PCDHGA1: variants seen among roughly 807,000 people sequenced by gnomAD.
The protein encoded by PCDHGA1 is protocadherin gamma-A1.
In PCDHGA1, 32 loss-of-function variants were observed where a neutral mutation model predicts 58.0. The ratio of observed to expected loss-of-function variants is 0.55; its 90% CI spans 0.42 to 0.74. PCDHGA1 has a LOEUF of 0.74. Among genes scored for constraint, PCDHGA1 ranks in the 30% least tolerant of loss-of-function variants. PCDHGA1 has a pLI of 0.00. For synonymous variants in PCDHGA1, 498 were observed against 501.1 expected (o/e 0.99, Z 0.08); for missense variants, 1,205 against 1,182.3 (o/e 1.02, Z -0.28).
chr5:141,408,694 A>T (rs2095152952), intron 1 of PCDHGA1: 1 of 1,613,772 alleles, frequency 6.2e-7, no homozygotes, highest in African/African-American at 1.3e-5. Flanking sequence ...ATATAAACAT[A>T]AACTCAATTA....
At chr5:141,342,038 C>T (rs1489666499) in intron 1 of PCDHGA1, 2 of 152,738 alleles carry the variant, frequency 1.3e-5, no homozygotes, top group African/African-American at 2.4e-5. Context: ...AAGCTATATG[C>T]TTCTTGAAGA....
intron 1 of PCDHGA1, among the ~76,000 whole-genome samples, chr5:141,473,916 A>T (rs1014065718): frequency 2.6e-5 from 4 of 152,162 alleles, no homozygotes; most frequent in Non-Finnish European, 4.4e-5. Flanking sequence ...TCTTAAGAAA[A>T]CTATGAGCTG....
intron 2 of PCDHGA1, among the ~76,000 whole-genome samples, chr5:141,503,432 TA>T (rs1423418926): frequency 6.6e-6 from 1 of 151,668 alleles, no homozygotes; most frequent in African/African-American, 2.4e-5. Flanking sequence ...CCATCTCTAC[TA>T]AAAATACAAA....
rs532517723 is a variant in PCDHGA1, at chr5:141,486,244, A to G, written c.2422-8563A>G. The G allele has an allele frequency of 1.2e-5, 19 of 1,614,068 alleles. No homozygotes were observed. The Admixed American group carries it at 2.3e-4, about 20-fold the overall frequency. On this transcript the variant is annotated intron_variant, in intron 1 of 3. Coordinates refer to ENST00000517417, the MANE Select transcript of PCDHGA1 (RefSeq NM_018912.3). This position sits in a 1 kb window ranked among gnomAD's most constrained non-coding sequence, Gnocchi z 5.0. ...ACATCACAGTGACCTCAGAGCTTGGAACCCTCCCCGAGAGTGCAGAACCTG... is the reference window on the plus strand; with the variant it reads ...ACATCACAGTGACCTCAGAGCTTGGGACCCTCCCCGAGAGTGCAGAACCTG...
intron 1 of PCDHGA1, chr5:141,385,340 C>A: frequency 6.4e-7 from 1 of 1,570,860 alleles, no homozygotes; most frequent in Non-Finnish European, 8.6e-7. Flanking sequence ...CCAGCCCTTC[C>A]TTTATTTCCA....
At position 141,431,776 on chromosome 5, in the gene PCDHGA1, C is replaced by A; in HGVS notation, c.2422-63031C>A. Reference sequence around the variant, plus strand: ...CCAAAGTCCTGATCACTGTTCTGGACGTGAACGACAATGCCCCAGAAGTGG... The same window carrying A: ...CCAAAGTCCTGATCACTGTTCTGGAAGTGAACGACAATGCCCCAGAAGTGG... On this transcript the variant is annotated intron_variant, in intron 1 of 3. Coordinates refer to ENST00000517417, the MANE Select transcript of PCDHGA1 (RefSeq NM_018912.3). The surrounding 1 kb of genome is among the most constrained non-coding windows in gnomAD (Gnocchi z 4.8). The A allele has an allele frequency of 6.2e-7, 1 of 1,614,228 alleles. No homozygotes were observed. The highest frequency in any genetic ancestry group is 8.5e-7 in the Non-Finnish European group (1 of 1,180,044).
rs146235929 is a variant in PCDHGA1 at position 141,511,610 on chromosome 5, C to A, written c.*437C>A. On this transcript the variant is annotated 3_prime_UTR_variant, in exon 4 of 4. Transcript: ENST00000517417. ...GAAGTACCAAGTAACCTACAAGCCT[C>A]CTAGTTCTGAAAAGTTGGAAGGGCA... 1.0e-3 allele frequency: 247 copies of A among 237,682 alleles called. 1 individual carries two copies. The highest frequency in any genetic ancestry group is 5.2e-3 in the African/African-American group (235 of 45,400). The allele number at this position is 237,682 out of a possible 1,614,324, so 14.7% of individuals were successfully genotyped here. A position where few individuals can be genotyped will look rare whatever the true frequency, so the allele number is the denominator to read the frequency against.
chr5:141,430,686 C>G, intron 1 of PCDHGA1: 1 of 1,397,218 alleles, frequency 7.2e-7, no homozygotes, highest in Non-Finnish European at 9.5e-7. Context: ...CTGTCCCATT[C>G]TATGGGCGAA....
At chr5:141,414,870 G>T in intron 1 of PCDHGA1, 1 of 1,614,224 alleles carries the variant, frequency 6.2e-7, no homozygotes, top group Non-Finnish European at 8.5e-7. Flanking sequence ...ATGCGCCCGA[G>T]ATCCTGTACC....
At chr5:141,366,386 G>A (rs1368197545) in intron 1 of PCDHGA1, 4 of 1,614,164 alleles carry the variant, frequency 2.5e-6, no homozygotes, top group Non-Finnish European at 3.4e-6. Context: ...TGACCCTGAG[G>A]ATCTGGACCT....
In PCDHGA1 at chr5:141,372,836, A is replaced by G. The variant is rs755204859; in HGVS notation, c.2421+39731A>G. 4 of 1,532,454 alleles carry G rather than the reference A, an allele frequency of 2.6e-6. No homozygotes were observed. In the East Asian group the frequency reaches 6.9e-5, roughly 27 times the overall value. The allele number at this position is 1,532,454 out of a possible 1,614,324, so 94.9% of individuals were successfully genotyped here. On this transcript the variant is annotated intron_variant, in intron 1 of 3. Coordinates refer to ENST00000517417, the MANE Select transcript of PCDHGA1 (RefSeq NM_018912.3). ...TGAGTTTCTTCAAACCTTTCCTTCC[A>G]TAAATATAATTGGGTTTCAATTCAT... is the stretch of plus-strand genomic sequence containing the variant.
At chr5:141,410,235 G>A (rs753193390) in intron 1 of PCDHGA1, 2 of 1,613,970 alleles carry the variant, frequency 1.2e-6, no homozygotes, top group South Asian at 1.1e-5. Context: ...CTCAGCGACC[G>A]CCCTGTACTC....
At chr5:141,479,937 C>G (rs1322238189) in intron 1 of PCDHGA1, among the ~76,000 whole-genome samples, 1 of 152,212 alleles carries the variant, frequency 6.6e-6, no homozygotes, top group African/African-American at 2.4e-5. Context: ...TCATTGCTAT[C>G]AACTCTTGGA....
intron 1 of PCDHGA1, chr5:141,410,314 C>T: frequency 6.2e-7 from 1 of 1,614,036 alleles, no homozygotes; most frequent in Non-Finnish European, 8.5e-7. Context: ...TGCTCTTCCT[C>T]CTCGCCGTGA....
intron 1 of PCDHGA1, chr5:141,364,640 G>T: frequency 6.2e-7 from 1 of 1,614,130 alleles, no homozygotes; most frequent in Non-Finnish European, 8.5e-7. Context: ...ACTGTGTGTG[G>T]TGAACTTTAA....
At chr5:141,390,237 G>A (rs748278212) in intron 1 of PCDHGA1, 2 of 1,614,004 alleles carry the variant, frequency 1.2e-6, no homozygotes, top group Non-Finnish European at 1.7e-6. Flanking sequence ...TTCATCTGGG[G>A]CCTTATTTCC....
intron 1 of PCDHGA1, among the ~76,000 whole-genome samples, chr5:141,450,503 T>G (rs1196541899): frequency 3.3e-5 from 5 of 152,258 alleles, no homozygotes; most frequent in Admixed American, 6.5e-5. Context: ...TTGTTTGTTT[T>G]GAGATGGAGT....
intron 1 of PCDHGA1, among the ~76,000 whole-genome samples, chr5:141,396,957 T>C (rs1169025850): frequency 6.6e-6 from 1 of 152,214 alleles, no homozygotes; most frequent in East Asian, 1.9e-4. Flanking sequence ...AGAAAATCCT[T>C]ACTCTCCCTA....
chr5:141,378,535 T>A (rs1235721694), intron 1 of PCDHGA1: 1 of 152,092 alleles, frequency 6.6e-6, no homozygotes, highest in Non-Finnish European at 1.5e-5. Flanking sequence ...AAAATAATAA[T>A]GATAATTAAT....
Sources: gnomAD v4.1 joint callset for allele counts (sites outside exome capture counted in the v4.1 genomes callset) on GRCh38, gnomAD v4.1.1 for gene constraint, Gnocchi (gnomAD v3.1) non-coding constraint, MANE v1.5 for transcripts, NCBI Gene and HGNC (gene_info 2026-07-23, HGNC 2026-07-21) for gene names.